The following ANKRD36 variants were observed in gnomAD, a reference collection of about 807,000 sequenced individuals.
The protein encoded by ANKRD36 is ankyrin repeat domain-containing protein 36A.
Under a neutral mutation model 278.1 loss-of-function variants are expected in ANKRD36, and 179 were observed. That is an observed-to-expected ratio of 0.64 (90% CI 0.57 to 0.73). The LOEUF (loss-of-function observed/expected upper bound fraction) is 0.73, where lower values mean the gene tolerates loss of function less well. Among genes scored for constraint, ANKRD36 ranks in the 30% least tolerant of loss-of-function variants. The probability of loss-of-function intolerance (pLI) is 0.00; values close to 1 mark genes in which losing one functional copy is unlikely to be tolerated. For missense variants in ANKRD36, 1,159 were observed against 1,956.7 expected, an observed-to-expected ratio of 0.59 and a Z score of 7.69; for synonymous variants, 320 against 641.1, an observed-to-expected ratio of 0.50 and a Z score of 7.57.
chr2:97,117,944 C>G, intron 1 of ANKRD36, 120 bp from the exon 2 acceptor site: 1 of 1,387,310 alleles, frequency 7.2e-7, no homozygotes, highest in Non-Finnish European at 9.6e-7. Flanking sequence ...GAGTAATAAG[C>G]GCTAACAAAT....
At chr2:97,133,819 T>G (rs1426630839) in intron 6 of ANKRD36, among the ~76,000 whole-genome samples, 2 of 152,006 alleles carry the variant, frequency 1.3e-5, no homozygotes, top group Non-Finnish European at 2.9e-5. Context: ...TAAAGAGATT[T>G]TTCATATACG....
In ANKRD36 at chr2:97,152,521, G is replaced by A; in HGVS notation, c.1180G>A (p.Glu394Lys). Residue 394 changes from glutamate (E) to lysine (K), a missense_variant, in exon 14 of 76, where the codon GAG becomes AAG. Coordinates refer to ENST00000420699, the MANE Select transcript of ANKRD36 (RefSeq NM_001354587.1). The part of the protein sequence containing the change: ...SIKDVLPPVE[E>K]AVDRCLYLLD... ...TTTAATAGTGCTTCCTCCTGTTGAA[G>A]AGGCTGTTGACAGGTATGATTTCAG... The A allele has an allele frequency of 6.8e-7, 1 of 1,479,794 alleles. No homozygotes were observed. The highest frequency in any genetic ancestry group is 9.1e-7 in the Non-Finnish European group (1 of 1,099,004). The allele number at this position is 1,479,794 out of a possible 1,614,324, so 91.7% of individuals were successfully genotyped here.
chr2:97,205,538 T>G (rs1430454302), intron 50 of ANKRD36, among the ~76,000 whole-genome samples: 3 of 151,526 alleles, frequency 2.0e-5, no homozygotes, highest in African/African-American at 4.8e-5. Flanking sequence ...GTAGTATAAT[T>G]GTGTAAATCC....
intron 22 of ANKRD36, among the ~76,000 whole-genome samples, chr2:97,178,248 A>G (rs1265768101): frequency 2.0e-5 from 3 of 151,912 alleles, no homozygotes; most frequent in Non-Finnish European, 4.4e-5. Flanking sequence ...AACTAGTTCA[A>G]CCATTGTGGA....
chr2:97,137,488 T>C (rs1414020723), intron 6 of ANKRD36, among the ~76,000 whole-genome samples: 5 of 151,876 alleles, frequency 3.3e-5, no homozygotes, highest in Non-Finnish European at 7.4e-5. Flanking sequence ...CTTGCTATGT[T>C]GCCCAGTCTG....
chr2:97,187,245 A>G lies in ANKRD36; in HGVS notation c.2070+19A>G. ...CTTGAAGGTAATTAAACTCTCATTT[A>G]TATTGTGAACTAGTAAATCTATAGT... On this transcript the variant is annotated intron_variant, in intron 31 of 75. Transcript: ENST00000420699. 6.2e-7 allele frequency: 1 copy of G among 1,609,626 alleles called. No individual in the cohort carries two copies.
chr2:97,181,725 C>T lies in ANKRD36; in HGVS notation c.1769C>T (p.Thr590Ile). 6.2e-7 allele frequency: 1 copy of T among 1,608,910 alleles called. No homozygotes were observed. Among genetic ancestry groups the T allele is most frequent in the East Asian group, 2.2e-5 (1 of 44,756 alleles). ...SSQKQPAEKA[T>I]SDEKDSVSNI... ...TTTGTTTCAAATCCCATTCAGGCTA[C>T]AAGTGACGAGAAAGATTCTGTTTCA... is the stretch of plus-strand genomic sequence containing the variant. The change falls in exon 26 of 76, where the codon ACA becomes ATA. Residue 590 changes from threonine (T) to isoleucine (I), a missense_variant. Physicochemically the swap from Thr to Ile is moderately conservative, Grantham distance 89. Transcript: ENST00000420699.
At chr2:97,170,034 G>C (rs2051956039) in intron 22 of ANKRD36, among the ~76,000 whole-genome samples, 4 of 152,050 alleles carry the variant, frequency 2.6e-5, no homozygotes, top group Admixed American at 2.6e-4. Flanking sequence ...ACACTACAAG[G>C]CTATAGTAAT....
At chr2:97,178,449 C>T (rs1277244295) in intron 22 of ANKRD36, among the ~76,000 whole-genome samples, 1 of 151,706 alleles carries the variant, frequency 6.6e-6, no homozygotes, top group East Asian at 1.9e-4. Context: ...CAATGATAGA[C>T]TGGATTAAGA....
chr2:97,210,762 TG>T, intron 56 of ANKRD36, among the ~76,000 whole-genome samples: 1 of 151,996 alleles, frequency 6.6e-6, no homozygotes, highest in South Asian at 2.1e-4. Context: ...CAATGAATAT[TG>T]CAGTGATTTC....
intron 11 of ANKRD36, 21 bp downstream of exon 11, chr2:97,146,537 T>A (rs1343066671): frequency 2.0e-6 from 3 of 1,505,106 alleles, no homozygotes; most frequent in Non-Finnish European, 2.7e-6. Flanking sequence ...ACAGATTTTT[T>A]AAAGTGATAT....
intron 36 of ANKRD36, 85 bp downstream of exon 36, chr2:97,191,266 G>A (rs1311258976): frequency 8.0e-6 from 11 of 1,368,598 alleles, no homozygotes; most frequent in Admixed American, 2.6e-5. Flanking sequence ...CCTGGGGCTC[G>A]TCGAAGCTGC....
At chr2:97,151,970 A>G (rs1312534557) in intron 13 of ANKRD36, 31 bp downstream of exon 13, 3 of 1,381,098 alleles carry the variant, frequency 2.2e-6, no homozygotes, top group African/African-American at 2.9e-5. Flanking sequence ...CTATTGTAGT[A>G]TTTACTGATT....
At chr2:97,208,759 G>A (rs1302169962) in intron 54 of ANKRD36, among the ~76,000 whole-genome samples, 2 of 146,446 alleles carry the variant, frequency 1.4e-5, no homozygotes, top group Non-Finnish European at 3.0e-5. Flanking sequence ...CTTGTTCAAG[G>A]AGCTACCTCG....
At chr2:97,225,258 T>C (rs1379917359) in intron 67 of ANKRD36, among the ~76,000 whole-genome samples, 70 of 152,006 alleles carry the variant, frequency 4.6e-4, no homozygotes, top group Admixed American at 1.6e-3. Flanking sequence ...GAGTAATTAT[T>C]GCTAGTGGTT....
At chr2:97,191,975 T>G (rs1381840786) in intron 36 of ANKRD36, among the ~76,000 whole-genome samples, 2 of 151,712 alleles carry the variant, frequency 1.3e-5, no homozygotes, top group Non-Finnish European at 2.9e-5. Flanking sequence ...TAATGAAACT[T>G]CTTTAGAGAA....
chr2:97,201,825 A>C (rs1366926094), intron 46 of ANKRD36, among the ~76,000 whole-genome samples: 1 of 151,874 alleles, frequency 6.6e-6, no homozygotes, highest in Non-Finnish European at 1.5e-5. Flanking sequence ...GATTTGTTGC[A>C]TGAAAGACAT....
At chr2:97,216,408 A>G (rs1047497211) in intron 62 of ANKRD36, among the ~76,000 whole-genome samples, 9 of 152,052 alleles carry the variant, frequency 5.9e-5, no homozygotes, top group Non-Finnish European at 1.3e-4. Context: ...GTGATTTGTG[A>G]ATGTAAAACA....
chr2:97,153,739 A>G (rs1482692808), intron 14 of ANKRD36, among the ~76,000 whole-genome samples: 1 of 147,912 alleles, frequency 6.8e-6, no homozygotes, highest in African/African-American at 2.4e-5. Flanking sequence ...ATGAAAGTGG[A>G]TAAGAATGGA....
Sources: gnomAD v4.1 joint callset for allele counts (sites outside exome capture counted in the v4.1 genomes callset) on GRCh38, gnomAD v4.1.1 for gene constraint, MANE v1.5 for transcripts, NCBI Gene and HGNC (gene_info 2026-07-23, HGNC 2026-07-21) for gene names.